The following OTUD7A variants were observed in gnomAD, a reference collection of about 807,000 sequenced individuals.
The protein encoded by OTUD7A is OTU domain-containing protein 7A.
In OTUD7A, 12 loss-of-function variants were observed where a neutral mutation model predicts 65.7. That is an observed-to-expected ratio of 0.18 (90% CI 0.12 to 0.30). OTUD7A has a LOEUF of 0.30. Among genes scored for constraint, OTUD7A ranks in the 10% least tolerant of loss-of-function variants. OTUD7A has a pLI of 1.00. For synonymous variants in OTUD7A, 641 were observed against 586.3 expected, an observed-to-expected ratio of 1.09 and a Z score of -1.35; for missense variants, 1,148 against 1,304.8, an observed-to-expected ratio of 0.88 and a Z score of 1.85.
At chr15:31,756,333 C>T (rs1894810128) in intron 1 of OTUD7A, among the ~76,000 whole-genome samples, 1 of 152,154 alleles carries the variant, frequency 6.6e-6, no homozygotes, top group Admixed American at 6.5e-5. Context: ...CTCCTGCAAA[C>T]AATAATTGTG....
chr15:31,516,098 G>A (rs1299209524), intron 8 of OTUD7A, among the ~76,000 whole-genome samples: 1 of 152,344 alleles, frequency 6.6e-6, no homozygotes, highest in African/African-American at 2.4e-5. Context: ...GCATGGAGTT[G>A]GACCATGCCC....
At chr15:31,754,891 T>A (rs1894765143) in intron 1 of OTUD7A, among the ~76,000 whole-genome samples, 1 of 152,164 alleles carries the variant, frequency 6.6e-6, no homozygotes, top group South Asian at 2.1e-4. Context: ...CAGACCACAG[T>A]TTGAGAACTG....
chr15:31,801,396 A>C (rs1298999238), intron 1 of OTUD7A, among the ~76,000 whole-genome samples: 2 of 152,194 alleles, frequency 1.3e-5, no homozygotes, highest in African/African-American at 4.8e-5. Flanking sequence ...CTCAGAAAAC[A>C]ATTTGCCAGA....
Position 31,693,318 on chromosome 15 carries a change from T to A in OTUD7A, c.-99-36241A>T, listed in dbSNP as rs368646924. On this transcript the variant is annotated intron_variant, in intron 1 of 12. Transcript: ENST00000307050. ...TGAATTATGTAAAGATCTGGAAGGC[T>A]GAAGTGCTTCTCGAAATGCCAATAC... Among the ~76,000 whole-genome samples the A allele has an allele frequency of 2.6e-5, 4 of 152,356 alleles. No individual in the cohort carries two copies. In the East Asian group the frequency reaches 7.7e-4, roughly 29 times the overall value.
chr15:31,713,663 T>C (rs1370811130), intron 1 of OTUD7A, among the ~76,000 whole-genome samples: 1 of 148,974 alleles, frequency 6.7e-6, no homozygotes, highest in Admixed American at 6.7e-5. Context: ...AGTAGATACA[T>C]TAAGAACTTC....
At chr15:31,611,719 CCAGA>C (rs1334497371) in intron 3 of OTUD7A, among the ~76,000 whole-genome samples, 9 of 151,936 alleles carry the variant, frequency 5.9e-5, no homozygotes, top group African/African-American at 9.7e-5. Flanking sequence ...CAGAATTCTA[CCAGA>C]CAAAGAATTG....
chr15:31,538,985 A>G (rs1261379315), intron 5 of OTUD7A, among the ~76,000 whole-genome samples: 2 of 152,202 alleles, frequency 1.3e-5, no homozygotes, highest in East Asian at 3.8e-4. Context: ...ATACTATTAA[A>G]TGCTGACGAA....
chr15:31,813,227 C>T (rs879618010), intron 1 of OTUD7A, among the ~76,000 whole-genome samples: 4 of 152,314 alleles, frequency 2.6e-5, no homozygotes, highest in South Asian at 2.1e-4. Context: ...ATGCCAATGC[C>T]GTTGCTGATG....
intron 1 of OTUD7A, among the ~76,000 whole-genome samples, chr15:31,778,100 C>T (rs879271795): frequency 2.0e-5 from 3 of 152,044 alleles, no homozygotes; most frequent in Admixed American, 6.5e-5. Flanking sequence ...TCATCAGCAC[C>T]ATGGGAATGG....
chr15:31,745,016 A>C (rs1180493269), intron 1 of OTUD7A, among the ~76,000 whole-genome samples: 2 of 152,122 alleles, frequency 1.3e-5, no homozygotes, highest in East Asian at 3.8e-4. Context: ...GGCTTTCTAC[A>C]CTAAAACAAA....
intron 1 of OTUD7A, among the ~76,000 whole-genome samples, chr15:31,840,376 T>C (rs1158531348): frequency 6.6e-6 from 1 of 152,032 alleles, no homozygotes; most frequent in Non-Finnish European, 1.5e-5. Context: ...AGGTGGAGGT[T>C]GCACTGAGCT....
At chr15:31,505,745 T>C (rs1365201115) in intron 8 of OTUD7A, among the ~76,000 whole-genome samples, 2 of 73,696 alleles carry the variant, frequency 2.7e-5, no homozygotes, top group Admixed American at 3.1e-4. Context: ...AGAATTGAAG[T>C]TAATTTTTTT....
chr15:31,592,963 GTATA>G (rs57472463), intron 3 of OTUD7A, among the ~76,000 whole-genome samples: 71 of 106,748 alleles, frequency 6.7e-4, no homozygotes, highest in African/African-American at 2.1e-3. Context: ...ATATATATAT[GTATA>G]TATATATATA....
At chr15:31,577,738 A>C (rs745855872) in intron 3 of OTUD7A, among the ~76,000 whole-genome samples, 7 of 151,868 alleles carry the variant, frequency 4.6e-5, no homozygotes, top group Non-Finnish European at 8.8e-5. Context: ...TGGTTTTTCC[A>C]TCAACAATAC....
chr15:31,516,394 CA>C (rs2041856063), intron 8 of OTUD7A, among the ~76,000 whole-genome samples: 1 of 152,126 alleles, frequency 6.6e-6, no homozygotes, highest in South Asian at 2.1e-4. Context: ...CTCAGTGACC[CA>C]GGGGGTGGCG....
intron 5 of OTUD7A, among the ~76,000 whole-genome samples, chr15:31,554,108 A>G (rs1470614824): frequency 6.6e-6 from 1 of 152,122 alleles, no homozygotes; most frequent in African/African-American, 2.4e-5. Context: ...CTGCCAGGAA[A>G]GCCAGGCCCG....
intron 3 of OTUD7A, among the ~76,000 whole-genome samples, chr15:31,629,001 A>G (rs1370622363): frequency 6.6e-6 from 1 of 152,150 alleles, no homozygotes; most frequent in African/African-American, 2.4e-5. Context: ...GGCTGAGACA[A>G]TGGGGTTTTC....
In OTUD7A at chr15:31,478,279, T is replaced by C. The variant is rs752450371; in HGVS notation, c.*5015A>G. On this transcript the variant is annotated 3_prime_UTR_variant, in exon 13 of 13. Transcript: ENST00000307050. ...TTAAATAGGTTGCTTTGGTCTTGAA[T>C]AAATTCAGCCTATATTTACTCTTAA... is the stretch of plus-strand genomic sequence containing the variant. 5 of 152,222 alleles carry C rather than the reference T, an allele frequency of 3.3e-5. No homozygotes were observed. The highest frequency in any genetic ancestry group is 1.9e-4 in the East Asian group (1 of 5,198). 9.4% of individuals were successfully genotyped at this position (152,222 alleles called of 1,614,324 possible).
chr15:31,755,039 A>C (rs776637639), intron 1 of OTUD7A, among the ~76,000 whole-genome samples: 12 of 149,734 alleles, frequency 8.0e-5, no homozygotes, highest in Non-Finnish European at 1.8e-4. Flanking sequence ...GTGTGTGATT[A>C]TGTGTGTGTT....
Sources: allele counts gnomAD v4.1 joint callset (sites outside exome capture counted in the v4.1 genomes callset), GRCh38; gene constraint gnomAD v4.1.1; transcripts MANE v1.5; gene names NCBI Gene and HGNC (gene_info 2026-07-23, HGNC 2026-07-21).